Variants in CYP1B1 observed in about 807,000 individuals in gnomAD.
The protein encoded by CYP1B1 is cytochrome P450 1B1.
Under a neutral mutation model 29.9 loss-of-function variants are expected in CYP1B1, and 22 were observed. The ratio of observed to expected loss-of-function variants is 0.74; its 90% CI spans 0.53 to 1.05. The LOEUF is 1.05. CYP1B1 is among the 50% of genes least tolerant of loss of function. The pLI is 0.00. For missense variants in CYP1B1, 883 were observed against 746.9 expected (o/e 1.18, Z -2.12); for synonymous variants, 375 against 320.0 (o/e 1.17, Z -1.83).
rs557905773 is a variant in CYP1B1 at position 38,071,204 on chromosome 2, A to C, written c.1150T>G (p.Phe384Val). ...GAGAAGCGCATGGCTTCATAAAGGA[A>C]GGCCAGGACATAGGGCAGGTTGGGC... ...DQPNLPYVLA[F>V]LYEAMRFSSF... is the part of the protein sequence containing the mutation. The change falls in exon 3 of 3, where the codon TTC becomes GTC. Residue 384 changes from phenylalanine to valine, a missense_variant. By Grantham distance (50) the Phe-to-Val change is conservative. Coordinates refer to ENST00000610745, the MANE Select transcript of CYP1B1 (RefSeq NM_000104.4). 2 of 1,613,568 alleles carry C rather than the reference A, an allele frequency of 1.2e-6. No homozygotes were observed. Among genetic ancestry groups the C allele is most frequent in the East Asian group, 2.2e-5 (1 of 44,884 alleles).
rs752939506 is a variant in CYP1B1, at chr2:38,074,866, G to A, written c.523C>T (p.Arg175Cys). The A allele has an allele frequency of 6.4e-7, 1 of 1,554,138 alleles. No homozygotes were observed. Among genetic ancestry groups the A allele is most frequent in the African/African-American group, 1.4e-5 (1 of 73,388 alleles). Residue 175 changes from arginine (R) to cysteine (C), a missense_variant, in exon 2 of 3, where the codon CGC (arginine) becomes TGC (cysteine). Physicochemically the swap from Arg to Cys is radical, Grantham distance 180 (BLOSUM62 -3). Transcript: ENST00000610745. Reference sequence around the variant, plus strand: ...CGCACCAGCAGCGCCACCAGCTCGCGCGCCTCGCTCAGCACGTGGCCCTCG... The same window carrying A: ...CGCACCAGCAGCGCCACCAGCTCGCACGCCTCGCTCAGCACGTGGCCCTCG... ...VLEGHVLSEA[R>C]ELVALLVRGS...
rs1682373613 is a variant in CYP1B1, at chr2:38,069,033, G to T, written c.*1689C>A. 1 of 225,058 alleles carries T rather than the reference G, an allele frequency of 4.4e-6. No homozygotes were observed. Among genetic ancestry groups the T allele is most frequent in the Non-Finnish European group, 8.8e-6 (1 of 113,042 alleles). 13.9% of individuals were successfully genotyped at this position (225,058 alleles called of 1,614,324 possible). A position where few individuals can be genotyped will look rare whatever the true frequency, so the allele number is the denominator to read the frequency against. Reference sequence around the variant, plus strand: ...AGCACTTAGCACTTAGGACACTGTAGAACTTTCTTTGGAAGTTTAATTGCA... The same window carrying T: ...AGCACTTAGCACTTAGGACACTGTATAACTTTCTTTGGAAGTTTAATTGCA... On this transcript the variant is annotated 3_prime_UTR_variant, in exon 3 of 3. Transcript: ENST00000610745.
intron 2 of CYP1B1, among the ~76,000 whole-genome samples, chr2:38,071,661 A>G (rs1682435222): frequency 1.3e-5 from 2 of 152,214 alleles, no homozygotes; most frequent in African/African-American, 2.4e-5. Context: ...AGGGCTCACA[A>G]CACTTTTTAG....
In CYP1B1 at chr2:38,072,278, C is replaced by T. The variant is rs577614968; in HGVS notation, c.1044-968G>A. 3.3e-5 allele frequency among the ~76,000 whole-genome samples: 5 copies of T among 152,322 alleles called. No individual in the cohort carries two copies. The South Asian group carries it at 1.0e-3, about 32-fold the overall frequency. On this transcript the variant is annotated intron_variant, in intron 2 of 2. Transcript: ENST00000610745. Reference sequence around the variant, plus strand: ...TGGTACACGCCTGTAGCCCCAGCTACCTGCCAGACAGCGGCGGGAGAACTG... The same window carrying T: ...TGGTACACGCCTGTAGCCCCAGCTATCTGCCAGACAGCGGCGGGAGAACTG...
intron 1 of CYP1B1, 163 bp from the exon 2 acceptor site, chr2:38,075,552 C>G: frequency 1.4e-6 from 1 of 700,400 alleles, no homozygotes; most frequent in Non-Finnish European, 2.5e-6. Context: ...ATCCCCAACC[C>G]ACTCTCCCTT....
In CYP1B1 at chr2:38,073,923, C is replaced by G. The variant is rs1417774959; in HGVS notation, c.1043+423G>C. On this transcript the variant is annotated intron_variant, in intron 2 of 2. Coordinates refer to ENST00000610745, the MANE Select transcript of CYP1B1 (RefSeq NM_000104.4). ...CCTCGGATGCACGCCGAGGACTAGCCTAGGAGAGGCTGCTGTGTTTAACAT... is the reference window on the plus strand; with the variant it reads ...CCTCGGATGCACGCCGAGGACTAGCGTAGGAGAGGCTGCTGTGTTTAACAT... The G allele has an allele frequency of 2.6e-5, 5 of 195,380 alleles. No homozygotes were observed. The Admixed American group carries it at 2.7e-4, about 11-fold the overall frequency. The allele number at this position is 195,380 out of a possible 1,614,324, so 12.1% of individuals were successfully genotyped here. A position where few individuals can be genotyped will look rare whatever the true frequency, so the allele number is the denominator to read the frequency against.
chr2:38,074,341 T>G lies in CYP1B1; in HGVS notation c.1043+5A>C. On this transcript the variant is annotated splice_donor_5th_base_variant and intron_variant, in intron 2 of 2. Transcript: ENST00000610745. ...GACCTGGCCCACGCCTCCCAGAGGC[T>G]TTACCTGGTGAAGAGGAGGAGCAGC... 1 of 1,612,994 alleles carries G rather than the reference T, an allele frequency of 6.2e-7. No individual in the cohort carries two copies. Among genetic ancestry groups the G allele is most frequent in the Non-Finnish European group, 8.5e-7 (1 of 1,179,908 alleles).
At chr2:38,073,824 C>G (rs761995342) in intron 2 of CYP1B1, 1 of 154,642 alleles carries the variant, frequency 6.5e-6, no homozygotes, top group Non-Finnish European at 1.4e-5. Flanking sequence ...TCGGCTGGCC[C>G]GGCCTCCATG....
chr2:38,074,317 A>T, intron 2 of CYP1B1, 29 bp downstream of exon 2: 1 of 1,609,816 alleles, frequency 6.2e-7, no homozygotes, highest in Non-Finnish European at 8.5e-7. Context: ...AGGAGAAAAG[A>T]CCTGGCCCAC....
In CYP1B1 at chr2:38,067,606, G is replaced by C. The variant is rs1021062325; in HGVS notation, c.*3116C>G. The C allele has an allele frequency of 5.7e-6, 1 of 174,402 alleles. No homozygotes were observed. Among genetic ancestry groups the C allele is most frequent in the African/African-American group, 2.4e-5 (1 of 42,156 alleles). 10.8% of individuals were successfully genotyped at this position (174,402 alleles called of 1,614,324 possible). On this transcript the variant is annotated 3_prime_UTR_variant, in exon 3 of 3. Transcript: ENST00000610745. ...GCTACAACATAAAACTTCATAACAA[G>C]ATTATGAAAGTGATTTTTATTATTT...
chr2:38,071,317 G>C lies in CYP1B1; in HGVS notation c.1044-7C>G. ...AGTCTGCACATCAGGATACCTGTTT[G>C]GTGTTTAATGTGGAGAGAGAAAAGC... is the stretch of plus-strand genomic sequence containing the variant. On this transcript the variant is annotated splice_region_variant and splice_polypyrimidine_tract_variant and intron_variant, in intron 2 of 2. Transcript: ENST00000610745. 1 of 1,612,154 alleles carries C rather than the reference G, an allele frequency of 6.2e-7. No individual in the cohort carries two copies. Among genetic ancestry groups the C allele is most frequent in the Non-Finnish European group, 8.5e-7 (1 of 1,179,452 alleles).
chr2:38,074,056 C>A (rs1015990737), intron 2 of CYP1B1: 1 of 535,446 alleles, frequency 1.9e-6, no homozygotes, highest in Admixed American at 3.3e-5. Flanking sequence ...TCTTGTTTTT[C>A]CGGGGGGTGG....
In CYP1B1 at chr2:38,071,240, T is replaced by C. The variant is rs4398252; in HGVS notation, c.1114A>G (p.Met372Val). 1 of 1,613,160 alleles carries C rather than the reference T, an allele frequency of 6.2e-7. No individual in the cohort carries two copies. The highest frequency in any genetic ancestry group is 8.5e-7 in the Non-Finnish European group (1 of 1,180,048). The change falls in exon 3 of 3, where the codon ATG (methionine) becomes GTG (valine). Residue 372 changes from methionine (M) to valine (V), a missense_variant. Met to Val is a conservative substitution (Grantham distance 21). Transcript: ENST00000610745. ...QVVGRDRLPC[M>V]GDQPNLPYVL... The stretch of plus-strand genomic sequence containing the variant: ...TAGGGCAGGTTGGGCTGGTCACCCA[T>C]ACAAGGCAGACGGTCCCTCCCCACG...
chr2:38,075,411 C>T, intron 1 of CYP1B1, 22 bp from the exon 2 acceptor site: 1 of 1,608,366 alleles, frequency 6.2e-7, no homozygotes, highest in African/African-American at 1.3e-5. Context: ...GAGGAGAAGG[C>T]GTGACACTCA....
In CYP1B1 at chr2:38,074,734, G is replaced by T. The variant is rs1439165859; in HGVS notation, c.655C>A (p.Pro219Thr). 1 of 1,607,734 alleles carries T rather than the reference G, an allele frequency of 6.2e-7. No homozygotes were observed. The change falls in exon 2 of 3, where the codon CCC (proline) becomes ACC (threonine). Residue 219 changes from proline to threonine, a missense_variant. Pro to Thr is a conservative substitution (Grantham distance 38). Coordinates refer to ENST00000610745, the MANE Select transcript of CYP1B1 (RefSeq NM_000104.4). ...TGGCTGAGCAGCTCACGGAACTCGGGGTCGTCGTGGCTGTAGCGGCAGCCG... is the reference window on the plus strand; with the variant it reads ...TGGCTGAGCAGCTCACGGAACTCGGTGTCGTCGTGGCTGTAGCGGCAGCCG... ...CFGCRYSHDDPEFRELLSHNE... is the reference protein window; with the variant it reads ...CFGCRYSHDDTEFRELLSHNE...
rs766912399 is a variant in CYP1B1, at chr2:38,074,828, G to A, written c.561C>T (p.Asp187=). The A allele has an allele frequency of 1.3e-6, 2 of 1,566,996 alleles. No homozygotes were observed. The highest frequency in any genetic ancestry group is 4.7e-5 in the East Asian group (2 of 42,228). The change falls in exon 2 of 3, where the codon GAC becomes GAT. Residue 187 remains aspartate, a synonymous_variant. Coordinates refer to ENST00000610745, the MANE Select transcript of CYP1B1 (RefSeq NM_000104.4). ...LVALLVRGSA[D]GAFLDPRPLT... Reference sequence around the variant, plus strand: ...GCGGCCTCGGGTCGAGGAAGGCGCCGTCCGCGCTGCCGCGCACCAGCAGCG... The same window carrying A: ...GCGGCCTCGGGTCGAGGAAGGCGCCATCCGCGCTGCCGCGCACCAGCAGCG...
At chr2:38,073,280 C>T (rs1380041094) in intron 2 of CYP1B1, among the ~76,000 whole-genome samples, 1 of 152,162 alleles carries the variant, frequency 6.6e-6, no homozygotes, top group Non-Finnish European at 1.5e-5. Flanking sequence ...CTCTGCCTTC[C>T]AAACACCTTT....
rs1310162882 is a variant in CYP1B1, at chr2:38,075,382, T to G, written c.7A>C (p.Thr3Pro). The change falls in exon 2 of 3, where the codon ACC (threonine) becomes CCC (proline). Residue 3 changes from threonine (T) to proline (P), a missense_variant. By Grantham distance (38) the Thr-to-Pro change is conservative. Coordinates refer to ENST00000610745, the MANE Select transcript of CYP1B1 (RefSeq NM_000104.4). The stretch of plus-strand genomic sequence containing the variant: ...CAAGGGTCGTTCGGGCTGAGGCTGG[T>G]GCCCATGCTGGGGACAGAGAGGAGA... Reference protein sequence around the residue: MGTSLSPNDPWPL... With the variant: MGPSLSPNDPWPL... 1 of 1,612,278 alleles carries G rather than the reference T, an allele frequency of 6.2e-7. No individual in the cohort carries two copies. The highest frequency in any genetic ancestry group is 8.5e-7 in the Non-Finnish European group (1 of 1,179,918).
At chr2:38,075,425 G>C (rs773781721) in intron 1 of CYP1B1, 36 bp from the exon 2 acceptor site, 1 of 1,602,690 alleles carries the variant, frequency 6.2e-7, no homozygotes, top group Admixed American at 1.7e-5. Context: ...ACACTCAGGG[G>C]TGCAGAGACA....
Sources: gnomAD v4.1 joint callset for allele counts (sites outside exome capture counted in the v4.1 genomes callset) on GRCh38, gnomAD v4.1.1 for gene constraint, MANE v1.5 for transcripts, NCBI Gene and HGNC (gene_info 2026-07-23, HGNC 2026-07-21) for gene names.